Variants in PPP2R5C observed in about 807,000 individuals in gnomAD.
PPP2R5C encodes the protein protein phosphatase 2 regulatory subunit B'gamma.
In PPP2R5C, 7 loss-of-function variants were observed where a neutral mutation model predicts 68.9. The observed-to-expected ratio is 0.10, with a 90% CI of 0.06 to 0.19. The LOEUF (loss-of-function observed/expected upper bound fraction) is 0.19. Ranked by LOEUF, PPP2R5C falls within the 10% of genes least tolerant of loss-of-function variation. The pLI, the probability that PPP2R5C is intolerant of heterozygous loss-of-function variation, is 1.00. For missense variants in PPP2R5C, 348 were observed against 641.3 expected (o/e 0.54, Z 4.94); for synonymous variants, 210 against 222.2 (o/e 0.95, Z 0.49).
chr14:101,924,443 A>ATTTTTTTTTTTTTTTTTTTTTTTT, intron 13 of PPP2R5C, among the ~76,000 whole-genome samples: 1 of 56,850 alleles, frequency 1.8e-5, no homozygotes, highest in Non-Finnish European at 3.2e-5. Flanking sequence ...AAATTTCTAC[A>ATTTTTTTTTTTTTTTTTTTTTTTT]TCTTTTTTTT....
intron 3 of PPP2R5C, among the ~76,000 whole-genome samples, chr14:101,800,688 C>T (rs1464956223): frequency 1.4e-5 from 2 of 144,446 alleles, no homozygotes; most frequent in Admixed American, 6.8e-5. Context: ...AAATAAAAAA[C>T]ATCCATATGA....
exon 4 of PPP2R5C, chr14:101,883,325 T>C (rs190797937): frequency 4.4e-6 from 7 of 1,599,794 alleles, no homozygotes; most frequent in South Asian, 2.3e-5. Context: ...CGAAGAAATA[T>C]ATTGATCAGA....
chr14:101,878,699 T>C (rs757024410), intron 2 of PPP2R5C, among the ~76,000 whole-genome samples: 7 of 152,210 alleles, frequency 4.6e-5, no homozygotes, highest in Non-Finnish European at 1.0e-4. Context: ...AGGTGGACTC[T>C]CCTCAGAGAA....
At chr14:101,821,953 A>T (rs2040098594) in intron 1 of PPP2R5C, among the ~76,000 whole-genome samples, 1 of 152,102 alleles carries the variant, frequency 6.6e-6, no homozygotes, top group African/African-American at 2.4e-5. Context: ...TTTCTCAATT[A>T]TTGGACCTGG....
intron 5 of PPP2R5C, chr14:101,889,723 G>A (rs1356304081): frequency 1.6e-5 from 5 of 303,646 alleles, no homozygotes; most frequent in Non-Finnish European, 2.5e-5. Flanking sequence ...GTGTCAGTGG[G>A]GAACTGGGCA....
Position 101,925,340 on chromosome 14 carries a change from TC to T in PPP2R5C, c.*70del. The T allele has an allele frequency of 3.2e-6, 5 of 1,585,526 alleles. No individual in the cohort carries two copies. In the South Asian group the frequency reaches 4.5e-5, roughly 14 times the overall value. Reference sequence around the variant, plus strand: ...CCGGATTCTGTAGAAAATACATACTTCCTGTGCCATACCAATCAGTTACACT... The same window carrying T: ...CCGGATTCTGTAGAAAATACATACTTCTGTGCCATACCAATCAGTTACACT... On this transcript the variant is annotated 3_prime_UTR_variant, in exon 14 of 14. Transcript: ENST00000334743.
chr14:101,785,349 T>G (rs758431746), intron 2 of PPP2R5C, among the ~76,000 whole-genome samples: 2 of 152,146 alleles, frequency 1.3e-5, no homozygotes, highest in Non-Finnish European at 2.9e-5. Context: ...GGCATGTAGG[T>G]CTGAAATGAG....
chr14:101,809,934 GA>G, exon 1 of PPP2R5C: 4 of 1,612,882 alleles, frequency 2.5e-6, no homozygotes, highest in Non-Finnish European at 3.4e-6. Context: ...CTTTCCCGCT[GA>G]AGTCTAGATG....
At chr14:101,914,884 CAT>C (rs1262332899) in intron 12 of PPP2R5C, among the ~76,000 whole-genome samples, 1 of 152,178 alleles carries the variant, frequency 6.6e-6, no homozygotes, top group Admixed American at 6.5e-5. Context: ...TTGTGGGAAT[CAT>C]ATGAAATGAA....
At chr14:101,787,885 T>C (rs1428153834) in intron 3 of PPP2R5C, among the ~76,000 whole-genome samples, 7 of 152,228 alleles carry the variant, frequency 4.6e-5, no homozygotes. Context: ...TTTTTATTAT[T>C]AGTCTTCCTC....
chr14:101,771,461 T>C (rs1224534055), intron 2 of PPP2R5C, among the ~76,000 whole-genome samples: 1 of 152,092 alleles, frequency 6.6e-6, no homozygotes, highest in Non-Finnish European at 1.5e-5. Flanking sequence ...CTGGGCACGG[T>C]GGCTCATGCC....
At chr14:101,811,363 A>G (rs2039348597) in intron 1 of PPP2R5C, among the ~76,000 whole-genome samples, 1 of 152,176 alleles carries the variant, frequency 6.6e-6, no homozygotes, top group South Asian at 2.1e-4. Flanking sequence ...TTTGGGAGAC[A>G]GGGTCTCACT....
Position 101,825,249 on chromosome 14 carries a change from T to TGTGTGG in PPP2R5C, c.94+15213_94+15214insGTGTGG, listed in dbSNP as rs1566875325. Among the ~76,000 whole-genome samples the TGTGTGG allele has an allele frequency of 7.2e-6, 1 of 139,516 alleles. No individual in the cohort carries two copies. Among genetic ancestry groups the TGTGTGG allele is most frequent in the African/African-American group, 2.6e-5 (1 of 38,564 alleles). The allele number at this position is 139,516 out of a possible 152,430, so 91.5% of individuals were successfully genotyped here. ...GTGTGTGTGTGTGTGTGTGTGTGTG[T>TGTGTGG]TGATGAATTTATTACTTATTAAAAA... is the stretch of plus-strand genomic sequence containing the variant. On this transcript the variant is annotated intron_variant, in intron 1 of 13. Transcript: ENST00000334743. This position sits in a 1 kb window ranked among gnomAD's most constrained non-coding sequence, Gnocchi z 4.0.
intron 2 of PPP2R5C, chr14:101,766,056 CCAAA>C (rs2036844760): frequency 6.6e-6 from 1 of 152,270 alleles, no homozygotes; most frequent in African/African-American, 2.4e-5. Context: ...TGGAAATAAT[CCAAA>C]CAGAGAAAGC....
intron 11 of PPP2R5C, among the ~76,000 whole-genome samples, chr14:101,911,994 T>C (rs2046418637): frequency 6.6e-6 from 1 of 152,148 alleles, no homozygotes; most frequent in South Asian, 2.1e-4. Flanking sequence ...TCCTTTTTAA[T>C]ATTATAGGAA....
intron 2 of PPP2R5C, among the ~76,000 whole-genome samples, chr14:101,862,816 ATTTTTT>A (rs71116853): frequency 7.9e-6 from 1 of 127,238 alleles, no homozygotes; most frequent in African/African-American, 2.9e-5. Flanking sequence ...GACATGATGG[ATTTTTT>A]TTTTTTTTTT....
chr14:101,816,667 G>A (rs1413190264), intron 1 of PPP2R5C, among the ~76,000 whole-genome samples: 2 of 151,660 alleles, frequency 1.3e-5, no homozygotes, highest in Non-Finnish European at 2.9e-5. Flanking sequence ...AGGGAATGCA[G>A]AATGAAGTAT....
chr14:101,773,523 GAA>G (rs2037259635), intron 2 of PPP2R5C, among the ~76,000 whole-genome samples: 1 of 152,166 alleles, frequency 6.6e-6, no homozygotes. Flanking sequence ...CCCCATGGAG[GAA>G]GTGAGTTTGC....
chr14:101,847,690 C>T (rs549064991), intron 1 of PPP2R5C, among the ~76,000 whole-genome samples: 58 of 131,662 alleles, frequency 4.4e-4, no homozygotes, highest in African/African-American at 1.6e-3. Context: ...TTTCCTGAGA[C>T]GGAGTCTCTA....
Sources: gnomAD v4.1 joint callset for allele counts (sites outside exome capture counted in the v4.1 genomes callset) on GRCh38, gnomAD v4.1.1 for gene constraint, Gnocchi (gnomAD v3.1) non-coding constraint, MANE v1.5 for transcripts, NCBI Gene and HGNC (gene_info 2026-07-23, HGNC 2026-07-21) for gene names.